Variants in NTNG1 observed in about 807,000 individuals in gnomAD.
NTNG1 encodes netrin G1.
In NTNG1, 16 loss-of-function variants were observed where a neutral mutation model predicts 54.0. That is an observed-to-expected ratio of 0.30 (90% CI 0.20 to 0.45). The LOEUF (loss-of-function observed/expected upper bound fraction) is 0.45. Ranked by LOEUF, NTNG1 falls within the 20% of genes least tolerant of loss-of-function variation. NTNG1 has a pLI of 1.00. For missense variants in NTNG1, 530 were observed against 678.7 expected, an observed-to-expected ratio of 0.78 and a Z score of 2.43; for synonymous variants, 255 against 263.1, an observed-to-expected ratio of 0.97 and a Z score of 0.30.
intron 2 of NTNG1, among the ~76,000 whole-genome samples, chr1:107,155,630 G>T (rs115920796): frequency 0.017 from 2,568 of 152,172 alleles, 80 homozygotes; most frequent in African/African-American, 0.058. Flanking sequence ...CTTTAAGTGG[G>T]ATGATATGTG....
intron 5 of NTNG1, chr1:107,408,135 T>C (rs1001370350): frequency 3.6e-5 from 11 of 303,426 alleles, no homozygotes; most frequent in African/African-American, 2.0e-4. Flanking sequence ...CTTGGGTATA[T>C]GCATCAGAAC....
At chr1:107,356,895 C>T (rs762776780) in intron 3 of NTNG1, among the ~76,000 whole-genome samples, 3 of 152,044 alleles carry the variant, frequency 2.0e-5, no homozygotes, top group African/African-American at 4.8e-5. Flanking sequence ...CCTAGCTACT[C>T]GGGAGGTTGA....
At chr1:107,461,274 G>A (rs1009214239) in intron 7 of NTNG1, among the ~76,000 whole-genome samples, 1 of 152,196 alleles carries the variant, frequency 6.6e-6, no homozygotes, top group Non-Finnish European at 1.5e-5. Flanking sequence ...TGAGAAGGGA[G>A]TACTTCAGCT....
intron 3 of NTNG1, among the ~76,000 whole-genome samples, chr1:107,376,222 C>CATCCTGGCTA (rs1671224487): frequency 6.6e-6 from 1 of 151,790 alleles, no homozygotes; most frequent in Non-Finnish European, 1.5e-5. Flanking sequence ...AGATCGAGAC[C>CATCCTGGCTA]ACAGTGAAAC....
At chr1:107,176,945 A>C (rs1656690575) in intron 2 of NTNG1, among the ~76,000 whole-genome samples, 1 of 152,190 alleles carries the variant, frequency 6.6e-6, no homozygotes, top group African/African-American at 2.4e-5. Flanking sequence ...ACTAGATGCC[A>C]GTAGCACACA....
chr1:107,437,701 AACT>A (rs1675692798), intron 7 of NTNG1, among the ~76,000 whole-genome samples: 1 of 152,196 alleles, frequency 6.6e-6, no homozygotes, highest in Non-Finnish European at 1.5e-5. Flanking sequence ...TAATTTTAAT[AACT>A]ATTATATTTA....
chr1:107,391,735 G>A (rs953314793), intron 3 of NTNG1, among the ~76,000 whole-genome samples: 8 of 151,918 alleles, frequency 5.3e-5, no homozygotes, highest in South Asian at 2.1e-4. Context: ...TTTTTAAACC[G>A]CCAGATCTTG....
intron 2 of NTNG1, among the ~76,000 whole-genome samples, chr1:107,313,850 A>G (rs1228847001): frequency 1.3e-5 from 2 of 152,120 alleles, no homozygotes; most frequent in Non-Finnish European, 2.9e-5. Flanking sequence ...AATTCTTTTA[A>G]GTGGAATCTG....
At chr1:107,157,637 G>C (rs182521202) in intron 2 of NTNG1, among the ~76,000 whole-genome samples, 2 of 152,230 alleles carry the variant, frequency 1.3e-5, no homozygotes, top group East Asian at 3.9e-4. Context: ...GGACATATTT[G>C]AAGGTAAAAA....
At chr1:107,239,882 G>A (rs1007039075) in intron 2 of NTNG1, among the ~76,000 whole-genome samples, 7 of 152,148 alleles carry the variant, frequency 4.6e-5, no homozygotes, top group Non-Finnish European at 7.3e-5. Context: ...CTCTATAACT[G>A]TTCTGTTCAA....
At chr1:107,449,243 CAG>C (rs1323331232) in intron 7 of NTNG1, among the ~76,000 whole-genome samples, 4 of 151,672 alleles carry the variant, frequency 2.6e-5, no homozygotes, top group Admixed American at 6.6e-5. Flanking sequence ...AGTGACAAGA[CAG>C]GGGACATCTC....
chr1:107,326,683 G>T (rs1667973208), intron 3 of NTNG1, among the ~76,000 whole-genome samples: 2 of 151,988 alleles, frequency 1.3e-5, no homozygotes, highest in Non-Finnish European at 2.9e-5. Context: ...TTTCCTTGCA[G>T]TTTAAAAAAT....
intron 6 of NTNG1, among the ~76,000 whole-genome samples, chr1:107,434,482 A>T (rs915373102): frequency 6.6e-6 from 1 of 152,178 alleles, no homozygotes; most frequent in African/African-American, 2.4e-5. Context: ...AAGCTAGAGG[A>T]TATATGGTTT....
intron 3 of NTNG1, among the ~76,000 whole-genome samples, chr1:107,364,814 T>A (rs1040864587): frequency 2.6e-5 from 4 of 152,194 alleles, no homozygotes; most frequent in Admixed American, 2.6e-4. Flanking sequence ...AAGTCAATTG[T>A]GTAGTAAAAT....
At chr1:107,337,941 G>A (rs144460715) in intron 3 of NTNG1, among the ~76,000 whole-genome samples, 67 of 151,996 alleles carry the variant, frequency 4.4e-4, no homozygotes, top group Admixed American at 7.2e-4. Flanking sequence ...GTAGAGGAGC[G>A]GTGAAGCACA....
chr1:107,238,887 T>C (rs1661603912), intron 2 of NTNG1, among the ~76,000 whole-genome samples: 1 of 151,838 alleles, frequency 6.6e-6, no homozygotes, highest in South Asian at 2.1e-4. Context: ...ATTCCTGGCA[T>C]TGTCTTGTAT....
At chr1:107,297,438 T>C (rs944536720) in intron 2 of NTNG1, among the ~76,000 whole-genome samples, 1 of 151,792 alleles carries the variant, frequency 6.6e-6, no homozygotes, top group African/African-American at 2.4e-5. Flanking sequence ...TAATTCACTA[T>C]ATGATTCTAC....
intron 2 of NTNG1, among the ~76,000 whole-genome samples, chr1:107,172,757 G>T (rs1165813808): frequency 6.6e-6 from 1 of 152,098 alleles, no homozygotes; most frequent in Non-Finnish European, 1.5e-5. Flanking sequence ...CTTGTCCCAC[G>T]AGTCACTAGG....
At chr1:107,411,516 T>TTAA (rs1673806714) in intron 5 of NTNG1, among the ~76,000 whole-genome samples, 1 of 152,146 alleles carries the variant, frequency 6.6e-6, no homozygotes, top group African/African-American at 2.4e-5. Flanking sequence ...AATAACAAGG[T>TTAA]TAATCATTTT....
Sources: gnomAD v4.1 joint callset for allele counts (sites outside exome capture counted in the v4.1 genomes callset) on GRCh38, gnomAD v4.1.1 for gene constraint, MANE v1.5 for transcripts, NCBI Gene and HGNC (gene_info 2026-07-23, HGNC 2026-07-21) for gene names.